The following NCAPD3 variants were observed in gnomAD, a reference collection of about 807,000 sequenced individuals.
The protein encoded by NCAPD3 is condensin-2 complex subunit D3.
Under a neutral mutation model 182.9 loss-of-function variants are expected in NCAPD3, and 105 were observed. That is an observed-to-expected ratio of 0.57 (90% confidence interval 0.49 to 0.68). The LOEUF (loss-of-function observed/expected upper bound fraction) is 0.68. Among genes scored for constraint, NCAPD3 ranks in the 30% least tolerant of loss-of-function variants. The pLI is 0.00. For missense variants in NCAPD3, 1,944 were observed against 1,837.0 expected, an observed-to-expected ratio of 1.06 and a Z score of -1.07; for synonymous variants, 815 against 679.9, an observed-to-expected ratio of 1.20 and a Z score of -3.09.
chr11:134,213,741 T>C (rs2136025321), intron 3 of NCAPD3, among the ~76,000 whole-genome samples: 1 of 152,226 alleles, frequency 6.6e-6, no homozygotes, highest in South Asian at 2.1e-4. Flanking sequence ...AGAAATGATG[T>C]ACCAACCAAG....
At chr11:134,225,048 T>G (rs1938412932), upstream of NCAPD3, 5 of 1,434,064 alleles carry the variant, frequency 3.5e-6, no homozygotes, top group Non-Finnish European at 4.6e-6. Context: ...CCCTCTGGCC[T>G]TCTTTACCTA....
chr11:134,224,085 G>A, upstream of NCAPD3: 1 of 840,442 alleles, frequency 1.2e-6, no homozygotes, highest in East Asian at 2.7e-5. Flanking sequence ...AATCACCGGC[G>A]TCGTCCGCCG....
chr11:134,221,450 G>A (rs958960219), intron 1 of NCAPD3, among the ~76,000 whole-genome samples: 3 of 150,828 alleles, frequency 2.0e-5, no homozygotes, highest in African/African-American at 7.3e-5. Context: ...AGGTATACAC[G>A]TACCATGGTG....
rs1264511918 is a variant in NCAPD3, at chr11:134,152,171, T to TAAC, written c.*770_*772dup. Among the ~76,000 whole-genome samples, 12 of 152,352 alleles carry TAAC rather than the reference T, an allele frequency of 7.9e-5. No individual in the cohort carries two copies. Among genetic ancestry groups the TAAC allele is most frequent in the African/African-American group, 2.6e-4 (11 of 41,582 alleles). ...GTTCCCCCATCATGGGAGCAGCCCT[T>TAAC]AACAGAGGGCTGCACAAATCGGCAG... On this transcript the variant is annotated 3_prime_UTR_variant, in exon 35 of 35. Coordinates refer to ENST00000534548, the MANE Select transcript of NCAPD3 (RefSeq NM_015261.3).
chr11:134,194,188 T>C lies in NCAPD3; in HGVS notation c.1690-38A>G, dbSNP rs779530851. 1.9e-5 allele frequency: 31 copies of C among 1,592,430 alleles called. No homozygotes were observed. The East Asian group carries it at 2.5e-4, about 13-fold the overall frequency. On this transcript the variant is annotated intron_variant, in intron 14 of 34. Coordinates refer to ENST00000534548, the MANE Select transcript of NCAPD3 (RefSeq NM_015261.3). Reference sequence around the variant, plus strand: ...GACGCAACATGAACTGTTAACTGCATAGCATCAACTCACAAAGATAAACTG... The same window carrying C: ...GACGCAACATGAACTGTTAACTGCACAGCATCAACTCACAAAGATAAACTG...
chr11:134,167,699 CACT>C (rs1166652599), intron 27 of NCAPD3, among the ~76,000 whole-genome samples: 1 of 123,604 alleles, frequency 8.1e-6, no homozygotes, highest in African/African-American at 3.1e-5. Flanking sequence ...GGGGCACACT[CACT>C]AGTGAGGTGA....
chr11:134,163,744 G>A (rs569393338), intron 27 of NCAPD3, among the ~76,000 whole-genome samples: 1 of 148,172 alleles, frequency 6.7e-6, no homozygotes, highest in East Asian at 2.0e-4. Flanking sequence ...CAGTGGCAGG[G>A]GCCTGTAGTC....
At position 134,181,101 on chromosome 11, in the gene NCAPD3, T is replaced by C. The variant is rs1944285537; in HGVS notation, c.2535A>G (p.Thr845=). The change falls in exon 20 of 35, where the codon ACA becomes ACG. Residue 845 remains threonine (T), a synonymous_variant. Transcript: ENST00000534548. ...LSNIVLKENG[T]GNMDEDLLVK... ...CCAACAGGTCTTCGTCCATATTCCC[T>C]GTTCCATTCTCCTTGAGAACGATGT... is the stretch of plus-strand genomic sequence containing the variant. 6.2e-7 allele frequency: 1 copy of C among 1,613,988 alleles called. No individual in the cohort carries two copies. The highest frequency in any genetic ancestry group is 8.5e-7 in the Non-Finnish European group (1 of 1,179,832).
intron 8 of NCAPD3, among the ~76,000 whole-genome samples, chr11:134,205,795 G>A (rs537422331): frequency 1.7e-4 from 26 of 152,258 alleles, no homozygotes; most frequent in Admixed American, 2.6e-4. Context: ...AAAACGAAAC[G>A]ATCGTGTTTT....
intron 32 of NCAPD3, 86 bp from the exon 33 acceptor site, chr11:134,153,449 G>C (rs898304108): frequency 7.2e-7 from 1 of 1,381,610 alleles, no homozygotes; most frequent in Admixed American, 1.7e-5. Flanking sequence ...CGTAGGCAGG[G>C]TGTCCACATC....
intron 8 of NCAPD3, 119 bp downstream of exon 8, chr11:134,206,480 C>T (rs542777252): frequency 7.4e-7 from 1 of 1,348,812 alleles, no homozygotes; most frequent in Admixed American, 2.2e-5. Flanking sequence ...TTGGTTTTCA[C>T]CCCCAAAACC....
chr11:134,195,550 A>C, intron 13 of NCAPD3, among the ~76,000 whole-genome samples: 1 of 152,174 alleles, frequency 6.6e-6, no homozygotes, highest in East Asian at 1.9e-4. Context: ...GTACTTTTTC[A>C]TAAAAAATAA....
Position 134,203,707 on chromosome 11 carries a change from A to G in NCAPD3, c.1415T>C (p.Leu472Pro). 1 of 1,614,136 alleles carries G rather than the reference A, an allele frequency of 6.2e-7. No individual in the cohort carries two copies. Among genetic ancestry groups the G allele is most frequent in the Non-Finnish European group, 8.5e-7 (1 of 1,180,022 alleles). The change falls in exon 11 of 35, where the codon CTG becomes CCG. Residue 472 changes from leucine (L) to proline (P), a missense_variant. Coordinates refer to ENST00000534548, the MANE Select transcript of NCAPD3 (RefSeq NM_015261.3). ...CGACGCACTGGTAACAGTCAACTCC[A>G]GACAGTGTGCAAAGCTGGACAGTGC... The part of the protein sequence containing the change: ...SKALSSFAHC[L>P]ELTVTSASES...
chr11:134,187,042 A>G (rs1944422750), intron 16 of NCAPD3, among the ~76,000 whole-genome samples: 1 of 152,210 alleles, frequency 6.6e-6, no homozygotes, highest in African/African-American at 2.4e-5. Context: ...ACTTGCAGAA[A>G]TCTCAAACTT....
Position 134,150,394 on chromosome 11 carries a change from C to T in NCAPD3, c.*2550G>A, listed in dbSNP as rs117494693. The T allele has an allele frequency of 1.3e-3, 195 of 152,490 alleles. 4 individuals are homozygous for T. The East Asian group carries it at 0.029, about 23-fold the overall frequency. The allele number at this position is 152,490 out of a possible 1,614,324, so 9.4% of individuals were successfully genotyped here. ...AGATGCCAGTCAGCTCCTGGGGTTG[C>T]GCCAGGCGCCCCCGCTCTAGCTCAC... On this transcript the variant is annotated 3_prime_UTR_variant, in exon 35 of 35. Transcript: ENST00000534548.
At chr11:134,209,890 AC>A (rs1937765637) in intron 4 of NCAPD3, among the ~76,000 whole-genome samples, 3 of 152,164 alleles carry the variant, frequency 2.0e-5, no homozygotes, top group African/African-American at 4.8e-5. Context: ...CCCCATCTCT[AC>A]AAAAAAATGC....
chr11:134,181,977 G>C (rs1308946263), intron 19 of NCAPD3, among the ~76,000 whole-genome samples: 2 of 152,230 alleles, frequency 1.3e-5, no homozygotes. Flanking sequence ...ACCACTATGA[G>C]CAATGCTTTT....
rs1278139921 is a variant in NCAPD3 at position 134,161,849 on chromosome 11, T to A, written c.3616A>T (p.Ile1206Phe). The A allele has an allele frequency of 6.3e-7, 1 of 1,586,116 alleles. No homozygotes were observed. The highest frequency in any genetic ancestry group is 8.6e-7 in the Non-Finnish European group (1 of 1,160,372). Residue 1206 changes from isoleucine (I) to phenylalanine (F), a missense_variant, in exon 28 of 35, where the codon ATC becomes TTC. Ile to Phe is a conservative substitution (Grantham distance 21, BLOSUM62 0). Around this residue, in one of 3 missense-constraint regions of NCAPD3, gnomAD observed 1,803 missense variants for 1,674.6 expected, o/e 1.08. Transcript: ENST00000534548. ...NFIENIIPII[I>F]SLKTVLEKNK... ...TTCTCCAGCACAGTCTTCAGGGAGA[T>A]GATAATTGGAATAATATTTTCTATG...
At chr11:134,185,590 G>C in intron 16 of NCAPD3, 64 bp from the exon 17 acceptor site, 1 of 1,344,018 alleles carries the variant, frequency 7.4e-7, no homozygotes, top group East Asian at 2.3e-5. Context: ...ATTCAGATGG[G>C]AGCCTCACTG....
Sources: gnomAD v4.1 joint callset for allele counts (sites outside exome capture counted in the v4.1 genomes callset) on GRCh38, gnomAD v4.1.1 for gene constraint, gnomAD v4.1.1 regional missense constraint, MANE v1.5 for transcripts, NCBI Gene and HGNC (gene_info 2026-07-23, HGNC 2026-07-21) for gene names.